DRC9: variants seen among roughly 807,000 people sequenced by gnomAD.
DRC9 encodes the protein dynein regulatory complex protein 9.
the DRC9 span, among the ~76,000 whole-genome samples, chr3:197,906,177 G>A: frequency 1.3e-5 from 2 of 152,170 alleles, no homozygotes; most frequent in Non-Finnish European, 2.9e-5. Flanking sequence ...GGAGGCACAC[G>A]ACAGGAGGGC....
chr3:197,952,204 CTG>C, the DRC9 span, among the ~76,000 whole-genome samples: 1 of 114,216 alleles, frequency 8.8e-6, no homozygotes, highest in Non-Finnish European at 1.6e-5. Context: ...CGGAGTCTCA[CTG>C]TCACCTAGGC....
At chr3:197,953,877 G>A in the DRC9 span, 1 of 831,634 alleles carries the variant, frequency 1.2e-6, no homozygotes, top group African/African-American at 1.7e-5. Context: ...GGTGTTCTAG[G>A]CATTTAAAGT....
the DRC9 span, among the ~76,000 whole-genome samples, chr3:197,931,815 T>C: frequency 1.1e-4 from 17 of 151,848 alleles, no homozygotes; most frequent in Admixed American, 2.0e-4. Context: ...TTAGTAGAGA[T>C]GGGGTTTCAC....
chr3:197,923,917 G>A, the DRC9 span, among the ~76,000 whole-genome samples: 5 of 150,486 alleles, frequency 3.3e-5, no homozygotes, highest in African/African-American at 4.9e-5. Context: ...CAATTAAACC[G>A]CAGCCTGGCG....
At chr3:197,954,274 G>A in the DRC9 span, 1 of 910,172 alleles carries the variant, frequency 1.1e-6, no homozygotes, top group Non-Finnish European at 1.8e-6. Context: ...CAAAATTTGT[G>A]TATTGCAGAA....
At chr3:197,895,277 T>G in the DRC9 span, among the ~76,000 whole-genome samples, 1 of 152,168 alleles carries the variant, frequency 6.6e-6, no homozygotes, top group Non-Finnish European at 1.5e-5. Context: ...TTTTATTTAT[T>G]TATTTACTTT....
the DRC9 span, among the ~76,000 whole-genome samples, chr3:197,925,520 G>A: frequency 1.3e-5 from 2 of 151,934 alleles, no homozygotes; most frequent in South Asian, 4.1e-4. Flanking sequence ...GGTCTCGCAG[G>A]GCTCTATATT....
the DRC9 span, among the ~76,000 whole-genome samples, chr3:197,908,883 C>T: frequency 2.0e-5 from 3 of 152,146 alleles, no homozygotes; most frequent in Admixed American, 2.0e-4. Context: ...CTTTCCAAGG[C>T]ACCCTCCCAG....
chr3:197,889,748 G>A, the DRC9 span: 3 of 1,612,972 alleles, frequency 1.9e-6, no homozygotes, highest in Non-Finnish European at 1.7e-6. Flanking sequence ...TACGACGTAT[G>A]CTATGCCTGA....
At chr3:197,914,048 G>A in the DRC9 span, 16 of 1,612,832 alleles carry the variant, frequency 9.9e-6, no homozygotes, top group Non-Finnish European at 1.3e-5. Flanking sequence ...TGACTCTGTA[G>A]TGGAAAGACC....
the DRC9 span, among the ~76,000 whole-genome samples, chr3:197,945,412 G>C: frequency 3.9e-5 from 6 of 152,166 alleles, no homozygotes; most frequent in Admixed American, 6.5e-5. Context: ...TTCAAGTTCA[G>C]GAGAGACCTC....
the DRC9 span, among the ~76,000 whole-genome samples, chr3:197,941,315 TCTTC>T: frequency 2.9e-5 from 3 of 103,874 alleles, no homozygotes; most frequent in Admixed American, 9.7e-5. Flanking sequence ...TCCTTCCCTT[TCTTC>T]CTTCCTTCCT....
At chr3:197,923,818 A>G in the DRC9 span, among the ~76,000 whole-genome samples, 1 of 152,182 alleles carries the variant, frequency 6.6e-6, no homozygotes, top group Middle Eastern at 3.4e-3. Context: ...TGTAATCCCA[A>G]TGCTTTGAGA....
chr3:197,912,930 G>A, the DRC9 span: 9 of 609,632 alleles, frequency 1.5e-5, no homozygotes, highest in African/African-American at 3.7e-5. Context: ...GCGGCACTGT[G>A]TGGACTGCGT....
the DRC9 span, among the ~76,000 whole-genome samples, chr3:197,945,891 T>C: frequency 8.7e-3 from 1,322 of 152,342 alleles, 20 homozygotes; most frequent in African/African-American, 0.03. Context: ...ACTGAGTTAT[T>C]ACTGCTCTAC....
the DRC9 span, among the ~76,000 whole-genome samples, chr3:197,900,362 C>T: frequency 6.6e-6 from 1 of 152,212 alleles, no homozygotes; most frequent in East Asian, 1.9e-4. The surrounding 1 kb of genome is among the most constrained non-coding windows in gnomAD (Gnocchi z 4.7). Flanking sequence ...ATTTCCCCTT[C>T]TTCTGTTTGA....
chr3:197,947,097 C>T, the DRC9 span, among the ~76,000 whole-genome samples: 2 of 152,200 alleles, frequency 1.3e-5, no homozygotes, highest in Non-Finnish European at 2.9e-5. Flanking sequence ...AGGCGTGAGC[C>T]AAGGCGCCCA....
chr3:197,901,433 C>T, the DRC9 span, among the ~76,000 whole-genome samples: 550 of 152,362 alleles, frequency 3.6e-3, 2 homozygotes, highest in South Asian at 0.012. The surrounding 1 kb of genome is among the most constrained non-coding windows in gnomAD (Gnocchi z 4.4). Flanking sequence ...CCACCGCCCC[C>T]GGCCCAAGGC....
chr3:197,953,704 CT>C, the DRC9 span: 352 of 462,216 alleles, frequency 7.6e-4, no homozygotes, highest in African/African-American at 5.7e-3. Context: ...CACACTTGTC[CT>C]TTTTTGCTAT....
Sources: gnomAD v4.1 joint callset for allele counts (sites outside exome capture counted in the v4.1 genomes callset) on GRCh38, gnomAD v4.1.1 for gene constraint, Gnocchi (gnomAD v3.1) non-coding constraint, MANE v1.5 for transcripts, NCBI Gene and HGNC (gene_info 2026-07-23, HGNC 2026-07-21) for gene names.